Variants in NKAIN3 observed in about 807,000 individuals in gnomAD.
The protein encoded by NKAIN3 is sodium/potassium transporting ATPase interacting 3.
Under a neutral mutation model 30.2 loss-of-function variants are expected in NKAIN3, and 25 were observed. The observed-to-expected ratio is 0.83, with a 90% confidence interval of 0.60 to 1.16. NKAIN3 has a LOEUF of 1.16. Ranked by LOEUF, NKAIN3 falls within the 50% of genes most tolerant of loss-of-function variation. NKAIN3 has a pLI of 0.00. For missense variants in NKAIN3, 225 were observed against 254.1 expected (o/e 0.89, Z 0.78); for synonymous variants, 91 against 89.6 (o/e 1.02, Z -0.09).
intron 3 of NKAIN3, among the ~76,000 whole-genome samples, chr8:62,595,495 A>T (rs572385270): frequency 6.7e-6 from 1 of 150,264 alleles, no homozygotes; most frequent in Non-Finnish European, 1.5e-5. Context: ...GCCAGCTCCA[A>T]TACCTGGGTT....
rs1824076742 is a variant in NKAIN3, at chr8:62,981,515, C to T, written c.*16108C>T. 6.6e-6 allele frequency: 1 copy of T among 152,118 alleles called. No individual in the cohort carries two copies. The highest frequency in any genetic ancestry group is 2.4e-5 in the African/African-American group (1 of 41,436). The allele number at this position is 152,118 out of a possible 1,614,324, so 9.4% of individuals were successfully genotyped here. ...TCAGTTCCTAAAGCAAAATGCCTGA[C>T]ACAGACTAACAAAGCTCTTTCTCAT... On this transcript the variant is annotated 3_prime_UTR_variant, in exon 7 of 7. Coordinates refer to ENST00000623646, the MANE Select transcript of NKAIN3 (RefSeq NM_001304533.3).
In NKAIN3 at chr8:62,754,647, C is replaced by T. The variant is rs182697678; in HGVS notation, c.471+7518C>T. Among the ~76,000 whole-genome samples, 20 of 152,254 alleles carry T rather than the reference C, an allele frequency of 1.3e-4. No individual in the cohort carries two copies. The East Asian group carries it at 3.5e-3, about 26-fold the overall frequency. ...AATTGTTTTTTCATCATCCCTATGC[C>T]TTTTGCATTGTATCTCTCTGTTCAC... On this transcript the variant is annotated intron_variant, in intron 4 of 6. Transcript: ENST00000623646.
At chr8:62,407,106 A>T (rs576562377) in intron 1 of NKAIN3, among the ~76,000 whole-genome samples, 16 of 152,220 alleles carry the variant, frequency 1.1e-4, no homozygotes, top group African/African-American at 3.9e-4. Context: ...ATTTTAATTG[A>T]CTTTCCAAAT....
chr8:62,400,806 A>G (rs1057149506), intron 1 of NKAIN3, among the ~76,000 whole-genome samples: 9 of 151,224 alleles, frequency 6.0e-5, no homozygotes, highest in Non-Finnish European at 1.2e-4. Context: ...GCTCCATTGT[A>G]TATTATTTGT....
rs147864619 is a variant in NKAIN3, at chr8:62,253,999, T to C, written c.54+4872T>C. On this transcript the variant is annotated intron_variant, in intron 1 of 6. Coordinates refer to ENST00000623646, the MANE Select transcript of NKAIN3 (RefSeq NM_001304533.3). ...AATACCGTGGTTCATGCTATGAAACTTAAAGTTAGTGAAACTTAAAGGTTA... is the reference window on the plus strand; with the variant it reads ...AATACCGTGGTTCATGCTATGAAACCTAAAGTTAGTGAAACTTAAAGGTTA... 1.4e-3 allele frequency among the ~76,000 whole-genome samples: 214 copies of C among 152,346 alleles called. 1 individual carries two copies. Among genetic ancestry groups the C allele is most frequent in the African/African-American group, 4.8e-3 (199 of 41,578 alleles).
rs2130916909 is a variant in NKAIN3 at position 62,974,155 on chromosome 8, T to C, written c.*8748T>C. 6.6e-6 allele frequency among the ~76,000 whole-genome samples: 1 copy of C among 152,236 alleles called. No homozygotes were observed. The highest frequency in any genetic ancestry group is 2.1e-4 in the South Asian group (1 of 4,822). On this transcript the variant is annotated 3_prime_UTR_variant, in exon 7 of 7. Coordinates refer to ENST00000623646, the MANE Select transcript of NKAIN3 (RefSeq NM_001304533.3). ...ATTGTTTTGGCTATATGGGCTCTTT[T>C]TGGTTCCCTATGAAATTTAAAGTAG...
chr8:62,896,349 G>A (rs1033781917), intron 4 of NKAIN3, among the ~76,000 whole-genome samples: 3 of 152,072 alleles, frequency 2.0e-5, no homozygotes, highest in African/African-American at 7.2e-5. Context: ...AGCATGTTAA[G>A]GATTAGAGTT....
intron 1 of NKAIN3, among the ~76,000 whole-genome samples, chr8:62,307,810 G>C (rs979883382): frequency 8.0e-5 from 12 of 150,768 alleles, no homozygotes; most frequent in African/African-American, 3.0e-4. Flanking sequence ...AGCACTTCTA[G>C]CTGAAGTATT....
chr8:62,862,926 TAA>T (rs1820297546), intron 4 of NKAIN3, among the ~76,000 whole-genome samples: 1 of 152,228 alleles, frequency 6.6e-6, no homozygotes, highest in Non-Finnish European at 1.5e-5. Flanking sequence ...GCAGGAGTGA[TAA>T]GACACAGTTT....
At chr8:62,681,001 T>C (rs914650320) in intron 3 of NKAIN3, among the ~76,000 whole-genome samples, 2 of 152,190 alleles carry the variant, frequency 1.3e-5, no homozygotes, top group Non-Finnish European at 2.9e-5. Flanking sequence ...TAAACTTTTG[T>C]AATATGAAAT....
chr8:62,450,104 G>T (rs1046697217), intron 1 of NKAIN3, among the ~76,000 whole-genome samples: 4 of 152,114 alleles, frequency 2.6e-5, no homozygotes, highest in Admixed American at 1.3e-4. Context: ...CAAGAGCACA[G>T]GAAATAAACA....
chr8:62,596,488 C>A (rs56056642), intron 3 of NKAIN3, among the ~76,000 whole-genome samples: 9,150 of 151,976 alleles, frequency 0.06, 948 homozygotes, highest in African/African-American at 0.21. Flanking sequence ...GACAGGTGTT[C>A]CCTCGGAAGT....
At chr8:62,381,897 A>T (rs1817292169) in intron 1 of NKAIN3, among the ~76,000 whole-genome samples, 1 of 152,076 alleles carries the variant, frequency 6.6e-6, no homozygotes, top group East Asian at 1.9e-4. Context: ...CATCAATTCT[A>T]AGTTTAAAAG....
chr8:62,627,830 G>T (rs891596960), intron 3 of NKAIN3, among the ~76,000 whole-genome samples: 14 of 152,188 alleles, frequency 9.2e-5, no homozygotes, highest in African/African-American at 3.1e-4. Flanking sequence ...GACAGAAGTA[G>T]ACTGCTTCTA....
intron 1 of NKAIN3, among the ~76,000 whole-genome samples, chr8:62,477,266 G>A (rs1005281857): frequency 6.6e-6 from 1 of 152,036 alleles, no homozygotes; most frequent in Non-Finnish European, 1.5e-5. Context: ...ATGTACGCAT[G>A]CACACACACA....
chr8:62,515,194 CTGACT>C (rs1807946448), intron 1 of NKAIN3, among the ~76,000 whole-genome samples: 1 of 152,084 alleles, frequency 6.6e-6, no homozygotes, highest in South Asian at 2.1e-4. Flanking sequence ...AAGAGTCATT[CTGACT>C]TAATTTTTTT....
At chr8:62,564,230 A>C (rs994055755) in intron 1 of NKAIN3, among the ~76,000 whole-genome samples, 3 of 152,146 alleles carry the variant, frequency 2.0e-5, no homozygotes, top group African/African-American at 7.2e-5. Context: ...TAAAAATATT[A>C]ACACAAGGTC....
chr8:62,350,008 T>C (rs959127744), intron 1 of NKAIN3, among the ~76,000 whole-genome samples: 7 of 152,230 alleles, frequency 4.6e-5, no homozygotes, highest in African/African-American at 1.4e-4. Context: ...TATGAAACTC[T>C]TGTGCATAGC....
At chr8:62,765,246 CAA>C (rs34477671) in intron 4 of NKAIN3, among the ~76,000 whole-genome samples, 2 of 42,518 alleles carry the variant, frequency 4.7e-5, no homozygotes, top group African/African-American at 8.0e-5. Context: ...GACTCCATCT[CAA>C]AAAAAAAAAA....
Sources: gnomAD v4.1 joint callset for allele counts (sites outside exome capture counted in the v4.1 genomes callset) on GRCh38, gnomAD v4.1.1 for gene constraint, MANE v1.5 for transcripts, NCBI Gene and HGNC (gene_info 2026-07-23, HGNC 2026-07-21) for gene names.